The following CHST7 variants were observed in gnomAD, a reference collection of about 807,000 sequenced individuals.
CHST7 encodes the protein carbohydrate sulfotransferase 7, also known as N-acetylglucosamine 6-O-sulfotransferase 4.
In CHST7, 5 loss-of-function variants were observed where a neutral mutation model predicts 9.0. That is an observed-to-expected ratio of 0.56 (90% CI 0.29 to 1.17). CHST7 has a LOEUF of 1.17. CHST7 is among the 50% of genes most tolerant of loss of function. The probability of loss-of-function intolerance (pLI) is 0.08; values close to 1 mark genes in which losing one functional copy is unlikely to be tolerated. For missense variants in CHST7, 377 were observed against 485.1 expected, an observed-to-expected ratio of 0.78 and a Z score of 2.09; for synonymous variants, 244 against 237.1, an observed-to-expected ratio of 1.03 and a Z score of -0.27.
intron 1 of CHST7, among the ~76,000 whole-genome samples, chrX:46,580,820 C>T (rs1359394262): frequency 1.8e-5 from 2 of 111,829 alleles, no homozygotes; most frequent in Non-Finnish European, 3.8e-5. Flanking sequence ...TTTTGAATTA[C>T]GGCATGGGAA....
rs144110849 is a variant in CHST7 at position 46,597,516 on chromosome X, C to T, written c.*32-244C>T. 9.1e-3 allele frequency among the ~76,000 whole-genome samples: 1,019 copies of T among 112,159 alleles called. 5 individuals are homozygous for T. Among genetic ancestry groups the T allele is most frequent in the Non-Finnish European group, 0.016 (830 of 53,219 alleles). Reference sequence around the variant, plus strand: ...GCTCCACAACAGCAGCTGCAGAAAGCGCAGCCATGCTAACAGAGGCGCCCC... The same window carrying T: ...GCTCCACAACAGCAGCTGCAGAAAGTGCAGCCATGCTAACAGAGGCGCCCC... On this transcript the variant is annotated intron_variant, in intron 1 of 1. Transcript: ENST00000276055.
intron 1 of CHST7, among the ~76,000 whole-genome samples, chrX:46,589,167 G>A (rs984986861): frequency 8.9e-6 from 1 of 111,790 alleles, no homozygotes; most frequent in South Asian, 3.7e-4. Context: ...GAGGGTTTGA[G>A]TTCTAAATAT....
intron 1 of CHST7, among the ~76,000 whole-genome samples, chrX:46,579,979 G>C (rs1372615657): frequency 9.0e-6 from 1 of 110,910 alleles, no homozygotes; most frequent in African/African-American, 3.3e-5. Flanking sequence ...ATGATAGAGA[G>C]AGACCCTGTC....
chrX:46,590,406 G>A (rs1002411568), intron 1 of CHST7, among the ~76,000 whole-genome samples: 2 of 110,184 alleles, frequency 1.8e-5, no homozygotes, highest in Admixed American at 9.7e-5. Context: ...AGGGCATCCC[G>A]TCTCTACAAA....
At chrX:46,590,692 A>G (rs764197382) in intron 1 of CHST7, among the ~76,000 whole-genome samples, 1 of 112,002 alleles carries the variant, frequency 8.9e-6, no homozygotes, top group Non-Finnish European at 1.9e-5. Flanking sequence ...CATTTTCAGC[A>G]GTTTTTACGT....
At chrX:46,576,748 A>T (rs896789502) in intron 1 of CHST7, among the ~76,000 whole-genome samples, 1 of 112,420 alleles carries the variant, frequency 8.9e-6, no homozygotes, top group African/African-American at 3.2e-5. Context: ...TTCCCCTGAG[A>T]TGAAGCTCTG....
chrX:46,583,185 A>G (rs765350953), intron 1 of CHST7, among the ~76,000 whole-genome samples: 1 of 111,792 alleles, frequency 8.9e-6, no homozygotes, highest in Admixed American at 9.5e-5. Flanking sequence ...TGACTAATAA[A>G]TGAACCCCTC....
chrX:46,597,241 C>A (rs1319173434), intron 1 of CHST7, among the ~76,000 whole-genome samples: 1 of 111,726 alleles, frequency 9.0e-6, no homozygotes, highest in African/African-American at 3.3e-5. Context: ...TAGAGTGACA[C>A]AAGCAATGTG....
At position 46,575,104 on chromosome X, in the gene CHST7, C is replaced by G. The variant is rs1186940447; in HGVS notation, c.1173C>G (p.Arg391=). ...QPRAQLRRLL[R]FSGLRALAAL... ...GCGCCCAGCTGCGCCGCCTGCTGCG[C>G]TTCTCCGGGCTACGCGCGCTCGCAG... The change falls in exon 1 of 2, where the codon CGC becomes CGG. Residue 391 remains arginine (R), a synonymous_variant. Transcript: ENST00000276055. The G allele has an allele frequency of 9.0e-7, 1 of 1,114,373 alleles. No homozygotes were observed. The highest frequency in any genetic ancestry group is 3.2e-5 in the Admixed American group (1 of 31,657). The allele number at this position is 1,114,373 out of a possible 1,213,427, so 91.8% of individuals were successfully genotyped here.
chrX:46,597,985 G>A lies in CHST7; in HGVS notation c.*257G>A, dbSNP rs1241580620. On this transcript the variant is annotated 3_prime_UTR_variant, in exon 2 of 2. Coordinates refer to ENST00000276055, the MANE Select transcript of CHST7 (RefSeq NM_019886.4). ...GTGACAGTGCAATGTGGATATTTAT[G>A]GCTGTAAAATAGGAAGAGCTTTAGT... is the stretch of plus-strand genomic sequence containing the variant. 8.9e-6 allele frequency: 1 copy of A among 112,705 alleles called. No homozygotes were observed. Among genetic ancestry groups the A allele is most frequent in the East Asian group, 2.8e-4 (1 of 3,603 alleles). The allele number at this position is 112,705 out of a possible 1,213,427, so 9.3% of individuals were successfully genotyped here.
chrX:46,576,988 C>G (rs1942502399), intron 1 of CHST7, among the ~76,000 whole-genome samples: 1 of 111,676 alleles, frequency 9.0e-6, no homozygotes, highest in Non-Finnish European at 1.9e-5. Flanking sequence ...ATCCTTTCAT[C>G]TGCTGATCCT....
In CHST7 at chrX:46,574,080, G is replaced by T; in HGVS notation, c.149G>T (p.Arg50Leu). The T allele has an allele frequency of 8.6e-7, 1 of 1,168,800 alleles. No homozygotes were observed. The highest frequency in any genetic ancestry group is 1.9e-5 in the South Asian group (1 of 53,203). Residue 50 changes from arginine to leucine, a missense_variant, in exon 1 of 2, where the codon CGC (arginine) becomes CTC (leucine). Transcript: ENST00000276055. ...GCCGAGCACTGCCCCGGCCTGCAGC[G>T]CAGCCTGGGAGTGTGGAGCCTGGAG... ...KGAEHCPGLQRSLGVWSLEAA... is the reference protein window; with the variant it reads ...KGAEHCPGLQLSLGVWSLEAA...
Position 46,574,021 on chromosome X carries a change from C to T in CHST7, c.90C>T (p.Ser30=), listed in dbSNP as rs1193550030. 8.6e-7 allele frequency: 1 copy of T among 1,161,190 alleles called. No homozygotes were observed. Among genetic ancestry groups the T allele is most frequent in the Non-Finnish European group, 1.1e-6 (1 of 875,359 alleles). Residue 30 remains serine (S), a synonymous_variant, in exon 1 of 2, where the codon TCC becomes TCT. Transcript: ENST00000276055. ...CGCTGGTGCTGTTGCTCGTCCCCTCCGTATTGGACGGCGGCCGCGACGGGG... is the reference window on the plus strand; with the variant it reads ...CGCTGGTGCTGTTGCTCGTCCCCTCTGTATTGGACGGCGGCCGCGACGGGG... ...LYTLVLLLVP[S]VLDGGRDGDK...
intron 1 of CHST7, among the ~76,000 whole-genome samples, chrX:46,595,656 G>A (rs1208898871): frequency 9.0e-6 from 1 of 111,367 alleles, no homozygotes; most frequent in African/African-American, 3.3e-5. Context: ...CAACATTCAG[G>A]ATATAGAGGC....
At chrX:46,593,666 AATTTG>A (rs1942581785) in intron 1 of CHST7, among the ~76,000 whole-genome samples, 1 of 111,990 alleles carries the variant, frequency 8.9e-6, no homozygotes, top group Non-Finnish European at 1.9e-5. Context: ...TTAGGACTTC[AATTTG>A]ATTTGTTTGT....
rs749308650 is a variant in CHST7, at chrX:46,578,187, C to T, written c.*31+2764C>T. Among the ~76,000 whole-genome samples, 13 of 108,884 alleles carry T rather than the reference C, an allele frequency of 1.2e-4. No individual in the cohort carries two copies. In the South Asian group the frequency reaches 2.0e-3, roughly 17 times the overall value. The allele number at this position is 108,884 out of a possible 115,157, so 94.6% of individuals were successfully genotyped here. On this transcript the variant is annotated intron_variant, in intron 1 of 1. Transcript: ENST00000276055. ...CTCCAAGCAAAACATCTTCACACAA[C>T]GACACAGGGTTATTAAAATACAGAA... is the stretch of plus-strand genomic sequence containing the variant.
At chrX:46,583,833 A>G (rs1052761828) in intron 1 of CHST7, among the ~76,000 whole-genome samples, 3 of 111,872 alleles carry the variant, frequency 2.7e-5, no homozygotes, top group Non-Finnish European at 3.8e-5. Flanking sequence ...TACTTCTTCT[A>G]TCTAACTGTG....
At chrX:46,593,598 C>T (rs978587456) in intron 1 of CHST7, among the ~76,000 whole-genome samples, 27 of 111,707 alleles carry the variant, frequency 2.4e-4, no homozygotes, top group African/African-American at 8.8e-4. Flanking sequence ...ATCCATTTTG[C>T]CAATCTCTTT....
rs1224742378 is a variant in CHST7 at position 46,574,078 on chromosome X, G to A, written c.147G>A (p.Gln49=). The A allele has an allele frequency of 2.6e-6, 3 of 1,168,978 alleles. No homozygotes were observed. Among genetic ancestry groups the A allele is most frequent in the Non-Finnish European group, 3.4e-6 (3 of 876,424 alleles). The change falls in exon 1 of 2, where the codon CAG becomes CAA. Residue 49 remains glutamine (Q), a synonymous_variant. Coordinates refer to ENST00000276055, the MANE Select transcript of CHST7 (RefSeq NM_019886.4). ...GCGCCGAGCACTGCCCCGGCCTGCAGCGCAGCCTGGGAGTGTGGAGCCTGG... is the reference window on the plus strand; with the variant it reads ...GCGCCGAGCACTGCCCCGGCCTGCAACGCAGCCTGGGAGTGTGGAGCCTGG... ...DKGAEHCPGL[Q]RSLGVWSLEA...
Sources: gnomAD v4.1 joint callset for allele counts (sites outside exome capture counted in the v4.1 genomes callset) on GRCh38, gnomAD v4.1.1 for gene constraint, MANE v1.5 for transcripts, NCBI Gene and HGNC (gene_info 2026-07-23, HGNC 2026-07-21) for gene names.